The following ERMP1 variants were observed in gnomAD, a reference collection of about 807,000 sequenced individuals.
ERMP1 encodes endoplasmic reticulum metallopeptidase 1.
In ERMP1, 86 loss-of-function variants were observed where a neutral mutation model predicts 92.0. That is an observed-to-expected ratio of 0.93 (90% confidence interval 0.79 to 1.12). The LOEUF is 1.12. ERMP1 is among the 50% of genes most tolerant of loss of function. The pLI, the probability that ERMP1 is intolerant of heterozygous loss-of-function variation, is 0.00. For synonymous variants in ERMP1, 530 were observed against 412.8 expected, an observed-to-expected ratio of 1.28 and a Z score of -3.44; for missense variants, 1,342 against 1,116.3, an observed-to-expected ratio of 1.20 and a Z score of -2.88.
chr9:5,856,258 C>A, intron 6 of ERMP1: 2 of 282,662 alleles, frequency 7.1e-6, no homozygotes, highest in South Asian at 7.9e-5. Context: ...ATCACATGGT[C>A]TGGAACCGAA....
chr9:5,812,914 G>A lies in ERMP1; in HGVS notation c.996C>T (p.Ile332=), dbSNP rs1211540608. Reference sequence around the variant, plus strand: ...CTGGAATGTTCCCAAAATCCCTGTAGATACGAAAGTCAGTATCTGAAGGAA... The same window carrying A: ...CTGGAATGTTCCCAAAATCCCTGTAAATACGAAAGTCAGTATCTGAAGGAA... ...GIIPSDTDFR[I]YRDFGNIPGI... Residue 332 remains isoleucine, a synonymous_variant, in exon 5 of 15, where the codon ATC becomes ATT. Coordinates refer to ENST00000339450, the MANE Select transcript of ERMP1 (RefSeq NM_024896.3). The A allele has an allele frequency of 6.2e-7, 1 of 1,613,970 alleles. No individual in the cohort carries two copies. The highest frequency in any genetic ancestry group is 1.1e-5 in the South Asian group (1 of 91,080).
intron 13 of ERMP1, among the ~76,000 whole-genome samples, chr9:5,795,515 C>T (rs1828385917): frequency 2.0e-5 from 3 of 152,202 alleles, no homozygotes; most frequent in Admixed American, 1.3e-4. Flanking sequence ...CGCGGTGGCT[C>T]ACGCCTGTAA....
chr9:5,816,427 T>C (rs141135451), intron 4 of ERMP1, among the ~76,000 whole-genome samples: 1 of 152,220 alleles, frequency 6.6e-6, no homozygotes, highest in African/African-American at 2.4e-5. Context: ...TTACACAGAT[T>C]GATTTTCAAA....
upstream of ERMP1, among the ~76,000 whole-genome samples, chr9:5,835,258 T>A (rs1245121797): frequency 6.6e-6 from 1 of 152,150 alleles, no homozygotes. Context: ...GATATCTACT[T>A]GTGTCAGATA....
In ERMP1 at chr9:5,823,964, C is replaced by T. The variant is rs751147418; in HGVS notation, c.806G>A (p.Ser269Asn). 2.0e-5 allele frequency: 32 copies of T among 1,614,040 alleles called. No homozygotes were observed. In the East Asian group the frequency reaches 7.1e-4, roughly 36 times the overall value. Residue 269 changes from serine (S) to asparagine (N), a missense_variant, in exon 4 of 15, where the codon AGC (serine) becomes AAC (asparagine). Transcript: ENST00000339450. ...HGFITQHPWASLIRAFINLEA... is the reference protein window; with the variant it reads ...HGFITQHPWANLIRAFINLEA... Reference sequence around the variant, plus strand: ...TAGGTTAATGAATGCACGAATCAAGCTAGCCCAGGGGTGCTGAGTAATGAA... The same window carrying T: ...TAGGTTAATGAATGCACGAATCAAGTTAGCCCAGGGGTGCTGAGTAATGAA...
rs779458007 is a variant in ERMP1, at chr9:5,812,931, C to CT, written c.978dup (p.Asp327ArgfsTer3). 181 of 1,613,926 alleles carry CT rather than the reference C, an allele frequency of 1.1e-4. No individual in the cohort carries two copies. Among genetic ancestry groups the CT allele is most frequent in the Non-Finnish European group, 1.5e-4 (175 of 1,179,932 alleles). On this transcript the variant is annotated frameshift_variant, in exon 5 of 15. Coordinates refer to ENST00000339450, the MANE Select transcript of ERMP1 (RefSeq NM_024896.3). LOFTEE classifies it high-confidence loss of function. ...TCCCTGTAGATACGAAAGTCAGTAT[C>CT]TGAAGGAATGATTCCACTCTGAAAA...
upstream of ERMP1, among the ~76,000 whole-genome samples, chr9:5,834,703 A>ATATGTGTGTG (rs1554627430): frequency 3.5e-4 from 43 of 122,992 alleles, 1 homozygote; most frequent in Middle Eastern, 9.9e-3. Context: ...GTATGTATAT[A>ATATGTGTGTG]TGTGTGTGTG....
chr9:5,821,142 T>C (rs12236610), intron 4 of ERMP1, among the ~76,000 whole-genome samples: 50,458 of 152,190 alleles, frequency 0.33, 10,022 homozygotes, highest in East Asian at 0.76. Flanking sequence ...TTTATGTTTA[T>C]ACTAACCAGT....
rs1827914343 is a variant in ERMP1, at chr9:5,785,832, A to G, written c.*1312T>C. The G allele has an allele frequency of 6.6e-6, 1 of 152,146 alleles. No individual in the cohort carries two copies. Among genetic ancestry groups the G allele is most frequent in the Non-Finnish European group, 1.5e-5 (1 of 68,032 alleles). 9.4% of individuals were successfully genotyped at this position (152,146 alleles called of 1,614,324 possible). On this transcript the variant is annotated 3_prime_UTR_variant, in exon 15 of 15. Coordinates refer to ENST00000339450, the MANE Select transcript of ERMP1 (RefSeq NM_024896.3). ...CTTTTTGTCCTTGTTAAAACTCAAA[A>G]TTTGTCCAACGTTTCACATTTCCTA...
intron 1 of ERMP1, among the ~76,000 whole-genome samples, chr9:5,831,601 G>A (rs1201159258): frequency 1.3e-5 from 2 of 152,142 alleles, no homozygotes; most frequent in Non-Finnish European, 2.9e-5. Context: ...GCCAGGCCCT[G>A]TCTCAGAAAA....
intron 6 of ERMP1, among the ~76,000 whole-genome samples, chr9:5,840,971 A>T (rs535707331): frequency 6.6e-6 from 1 of 152,376 alleles, no homozygotes; most frequent in East Asian, 1.9e-4. Context: ...TTGTCACATG[A>T]GCCTGAGGCG....
chr9:5,788,132 A>C (rs1278337249), intron 13 of ERMP1, among the ~76,000 whole-genome samples: 1 of 152,238 alleles, frequency 6.6e-6, no homozygotes, highest in African/African-American at 2.4e-5. Context: ...CTAAAACTAA[A>C]ATAGATAAAA....
At position 5,830,812 on chromosome 9, in the gene ERMP1, A is replaced by T. The variant is rs756231116; in HGVS notation, c.555T>A (p.Asn185Lys). The change falls in exon 2 of 15, where the codon AAT (asparagine) becomes AAA (lysine). Residue 185 changes from asparagine to lysine, a missense_variant. Transcript: ENST00000339450. Reference protein sequence around the residue: ...GFTSYYDNITNVVVKLEPRDG... With the variant: ...GFTSYYDNITKVVVKLEPRDG... ...CTCTGGGTTCCAGCTTTACCACAAC[A>T]TTGGTGATGTTGTCATAATAGCTTG... 1.2e-6 allele frequency: 2 copies of T among 1,614,106 alleles called. No individual in the cohort carries two copies. Among genetic ancestry groups the T allele is most frequent in the South Asian group, 2.2e-5 (2 of 91,084 alleles).
intron 8 of ERMP1, among the ~76,000 whole-genome samples, chr9:5,808,725 G>C (rs149414119): frequency 6.6e-4 from 101 of 152,146 alleles, no homozygotes; most frequent in African/African-American, 2.3e-3. Flanking sequence ...TTATTTTACA[G>C]CTTTTTAAAT....
At chr9:5,800,225 A>G (rs1337841280) in intron 11 of ERMP1, among the ~76,000 whole-genome samples, 1 of 152,234 alleles carries the variant, frequency 6.6e-6, no homozygotes, top group Non-Finnish European at 1.5e-5. Flanking sequence ...GGATGGGTAT[A>G]AGGCATAAGA....
chr9:5,822,065 G>A (rs1023188794), intron 4 of ERMP1, among the ~76,000 whole-genome samples: 1 of 151,920 alleles, frequency 6.6e-6, no homozygotes, highest in Non-Finnish European at 1.5e-5. Context: ...ACCAGCCTGG[G>A]CAACATGGCC....
At chr9:5,863,585 C>A (rs1034709809) in intron 5 of ERMP1, among the ~76,000 whole-genome samples, 3 of 152,146 alleles carry the variant, frequency 2.0e-5, no homozygotes, top group African/African-American at 4.8e-5. Flanking sequence ...CCTTCCCTGT[C>A]TGGGTGCAGT....
rs565433158 is a variant in ERMP1 at position 5,798,746 on chromosome 9, C to T, written c.2270+60G>A. 2.7e-4 allele frequency: 282 copies of T among 1,045,858 alleles called. 5 individuals carry two copies. The South Asian group carries it at 3.3e-3, about 12-fold the overall frequency. The allele number at this position is 1,045,858 out of a possible 1,614,324, so 64.8% of individuals were successfully genotyped here. On this transcript the variant is annotated intron_variant, in intron 12 of 14. Transcript: ENST00000339450. Reference sequence around the variant, plus strand: ...GATGGCAGTTTAAATGATAAGAGTACTGATATGGTGACAAGACTTGAGAAC... The same window carrying T: ...GATGGCAGTTTAAATGATAAGAGTATTGATATGGTGACAAGACTTGAGAAC...
intron 2 of ERMP1, among the ~76,000 whole-genome samples, chr9:5,827,503 T>C (rs989054493): frequency 3.3e-5 from 5 of 152,234 alleles, no homozygotes; most frequent in African/African-American, 7.2e-5. Flanking sequence ...TTTTTAACAA[T>C]TTATTATTGA....
Sources: allele counts gnomAD v4.1 joint callset (sites outside exome capture counted in the v4.1 genomes callset), GRCh38; gene constraint gnomAD v4.1.1; transcripts MANE v1.5; gene names NCBI Gene and HGNC (gene_info 2026-07-23, HGNC 2026-07-21).